The following DLGAP2 variants were observed in gnomAD, a reference collection of about 807,000 sequenced individuals.
DLGAP2 encodes the protein disks large-associated protein 2.
DLGAP2 carries 26 observed loss-of-function variants against 100.3 expected under a neutral mutation model. That is an observed-to-expected ratio of 0.26 (90% CI 0.19 to 0.36). The LOEUF is 0.36. Ranked by LOEUF, DLGAP2 falls within the 10% of genes least tolerant of loss-of-function variation. The pLI, the probability that DLGAP2 is intolerant of heterozygous loss-of-function variation, is 1.00. For missense variants in DLGAP2, 1,858 were observed against 1,453.2 expected (o/e 1.28, Z -4.53); for synonymous variants, 886 against 630.1 (o/e 1.41, Z -6.08).
intron 2 of DLGAP2, among the ~76,000 whole-genome samples, chr8:1,226,323 G>A (rs558934203): frequency 1.6e-4 from 25 of 152,256 alleles, no homozygotes; most frequent in African/African-American, 4.3e-4. Context: ...CTTTGCAGGC[G>A]CATAGATGAA....
intron 2 of DLGAP2, among the ~76,000 whole-genome samples, chr8:1,156,639 G>GGTCAGCGCCCCA (rs1796796214): frequency 1.4e-5 from 2 of 147,546 alleles, no homozygotes; most frequent in South Asian, 4.3e-4. Context: ...CCAGCGCCCC[G>GGTCAGCGCCCCA]GCTCAGCGCC....
At chr8:1,061,563 C>T (rs1441439129) in intron 2 of DLGAP2, among the ~76,000 whole-genome samples, 2 of 147,368 alleles carry the variant, frequency 1.4e-5, no homozygotes, top group East Asian at 2.0e-4. Flanking sequence ...TGTGTGGACT[C>T]GGGTGGAGCA....
chr8:1,243,139 C>G (rs1281866779), intron 2 of DLGAP2, among the ~76,000 whole-genome samples: 2 of 152,176 alleles, frequency 1.3e-5, no homozygotes, highest in African/African-American at 4.8e-5. Flanking sequence ...ACCCTGAGCA[C>G]TGCATGGGAA....
At chr8:963,278 A>G (rs1799770353) in intron 2 of DLGAP2, among the ~76,000 whole-genome samples, 2 of 148,278 alleles carry the variant, frequency 1.3e-5, no homozygotes, top group Admixed American at 6.6e-5. Flanking sequence ...TGAGTATTTC[A>G]GAAGGCACCC....
chr8:819,190 G>A (rs554337121), intron 1 of DLGAP2, among the ~76,000 whole-genome samples: 18 of 152,320 alleles, frequency 1.2e-4, no homozygotes, highest in Non-Finnish European at 1.8e-4. Flanking sequence ...ATGAGCGTAA[G>A]CTTTGCCTCA....
At chr8:1,317,597 C>T (rs1217902083) in intron 3 of DLGAP2, among the ~76,000 whole-genome samples, 1 of 123,680 alleles carries the variant, frequency 8.1e-6, no homozygotes, top group Admixed American at 8.4e-5. Flanking sequence ...AAAATACAGG[C>T]TGTGCGAGTG....
At chr8:1,602,685 T>G (rs1006631516) in intron 6 of DLGAP2, among the ~76,000 whole-genome samples, 3 of 152,130 alleles carry the variant, frequency 2.0e-5, no homozygotes, top group African/African-American at 7.2e-5. Context: ...TTCCCAGGAG[T>G]GACAGCAGTT....
rs1804435177 is a variant in DLGAP2, at chr8:1,097,804, C to G, written c.74-161047C>G. Among the ~76,000 whole-genome samples the G allele has an allele frequency of 2.2e-5, 3 of 139,374 alleles. 1 individual carries two copies. The Admixed American group carries it at 2.2e-4, about 10-fold the overall frequency. 91.4% of individuals were successfully genotyped at this position (139,374 alleles called of 152,430 possible). A position where few individuals can be genotyped will look rare whatever the true frequency, so the allele number is the denominator to read the frequency against. On this transcript the variant is annotated intron_variant, in intron 2 of 14. Coordinates refer to ENST00000637795, the MANE Select transcript of DLGAP2 (RefSeq NM_001346810.2). ...AGGACCCCTCCAGCGTGAGACCCAC[C>G]TCCCTCTGCTCAGGAGAGTCGAGCT...
At chr8:795,565 C>A (rs1585870863) in intron 1 of DLGAP2, among the ~76,000 whole-genome samples, 1 of 152,180 alleles carries the variant, frequency 6.6e-6, no homozygotes, top group Non-Finnish European at 1.5e-5. Flanking sequence ...GCCCTTTCAA[C>A]TGCAGTGGAA....
At chr8:787,129 C>G (rs764515199) in intron 1 of DLGAP2, among the ~76,000 whole-genome samples, 5 of 152,198 alleles carry the variant, frequency 3.3e-5, no homozygotes, top group Non-Finnish European at 7.3e-5. Context: ...CTTCACTTAG[C>G]AAACCTCCCT....
chr8:1,155,382 C>A (rs1796763104), intron 2 of DLGAP2, among the ~76,000 whole-genome samples: 1 of 152,308 alleles, frequency 6.6e-6, no homozygotes. Flanking sequence ...CGGATGGTCT[C>A]CGAGTGGAGC....
At chr8:1,576,073 C>G (rs1324689429) in intron 6 of DLGAP2, among the ~76,000 whole-genome samples, 1 of 152,170 alleles carries the variant, frequency 6.6e-6, no homozygotes, top group Non-Finnish European at 1.5e-5. Flanking sequence ...AACTAGTTTA[C>G]AGTCCCACCA....
intron 2 of DLGAP2, among the ~76,000 whole-genome samples, chr8:933,557 G>T (rs1214855836): frequency 9.3e-5 from 11 of 118,902 alleles, no homozygotes; most frequent in South Asian, 6.6e-4. Flanking sequence ...GAGGGTGAGG[G>T]CAGAGCCTGC....
Position 1,435,561 on chromosome 8 carries a change from T to G in DLGAP2, c.107-65805T>G, listed in dbSNP as rs151155093. 7.6e-4 allele frequency among the ~76,000 whole-genome samples: 116 copies of G among 152,210 alleles called. 1 individual carries two copies. The highest frequency in any genetic ancestry group is 2.7e-3 in the African/African-American group (113 of 41,540). On this transcript the variant is annotated intron_variant, in intron 3 of 14. Transcript: ENST00000637795. ...GGATGCGCAGTGCATCTTGTGATGG[T>G]GCTGACAGACGACCATGTTGCTGGT...
In DLGAP2 at chr8:1,356,087, G is replaced by A. The variant is rs1199185970; in HGVS notation, c.106+97204G>A. Among the ~76,000 whole-genome samples the A allele has an allele frequency of 2.6e-5, 4 of 152,340 alleles. No individual in the cohort carries two copies. The East Asian group carries it at 7.7e-4, about 29-fold the overall frequency. On this transcript the variant is annotated intron_variant, in intron 3 of 14. Coordinates refer to ENST00000637795, the MANE Select transcript of DLGAP2 (RefSeq NM_001346810.2). The stretch of plus-strand genomic sequence containing the variant: ...CCCTCACACTACGCCAGCCAGTGCA[G>A]GTCCCTGGACAAGGTGGGCCCCACT...
At chr8:1,052,817 A>T (rs926462644) in intron 2 of DLGAP2, among the ~76,000 whole-genome samples, 1 of 152,148 alleles carries the variant, frequency 6.6e-6, no homozygotes, top group African/African-American at 2.4e-5. Flanking sequence ...AAAATGGCCT[A>T]TAGAAACACA....
At chr8:1,179,220 A>G (rs561649762) in intron 2 of DLGAP2, among the ~76,000 whole-genome samples, 2 of 152,332 alleles carry the variant, frequency 1.3e-5, no homozygotes, top group South Asian at 2.1e-4. Flanking sequence ...CCACTTTGCA[A>G]TTTGGGAGAT....
At chr8:1,103,395 G>A (rs1352355439) in intron 2 of DLGAP2, among the ~76,000 whole-genome samples, 4 of 152,012 alleles carry the variant, frequency 2.6e-5, no homozygotes, top group East Asian at 1.9e-4. Context: ...GTGACGACTG[G>A]CAGGGCCTTG....
At chr8:1,516,847 C>A (rs551731434) in intron 4 of DLGAP2, among the ~76,000 whole-genome samples, 1 of 152,272 alleles carries the variant, frequency 6.6e-6, no homozygotes, top group Non-Finnish European at 1.5e-5. Flanking sequence ...TTTTTTTGTG[C>A]TGAAATTAGT....
Sources: allele counts gnomAD v4.1 joint callset (sites outside exome capture counted in the v4.1 genomes callset), GRCh38; gene constraint gnomAD v4.1.1; transcripts MANE v1.5; gene names NCBI Gene and HGNC (gene_info 2026-07-23, HGNC 2026-07-21).